The following CORIN variants were observed in gnomAD, a reference collection of about 807,000 sequenced individuals.
CORIN encodes corin, serine peptidase.
In CORIN, 117 loss-of-function variants were observed where a neutral mutation model predicts 125.3. The observed-to-expected ratio is 0.93, with a 90% CI of 0.80 to 1.09. The LOEUF (loss-of-function observed/expected upper bound fraction) is 1.09. Among genes scored for constraint, CORIN ranks in the 50% least tolerant of loss-of-function variants. The pLI is 0.00. For missense variants in CORIN, 1,253 were observed against 1,306.7 expected (o/e 0.96, Z 0.63); for synonymous variants, 450 against 466.4 (o/e 0.96, Z 0.45).
At chr4:47,611,081 C>CT (rs2109526929) in intron 19 of CORIN, among the ~76,000 whole-genome samples, 1 of 152,120 alleles carries the variant, frequency 6.6e-6, no homozygotes, top group African/African-American at 2.4e-5. Context: ...TATATGGGCT[C>CT]TTTTTTGGTT....
intron 2 of CORIN, among the ~76,000 whole-genome samples, chr4:47,804,924 C>G (rs1731709126): frequency 6.6e-6 from 1 of 151,290 alleles, no homozygotes; most frequent in East Asian, 1.9e-4. Context: ...ATCACGCGGT[C>G]AGGAGATCGA....
rs185401946 is a variant in CORIN at position 47,744,403 on chromosome 4, T to C, written c.798A>G (p.Gln266=). 8.9e-5 allele frequency: 144 copies of C among 1,613,460 alleles called. No individual in the cohort carries two copies. In the Admixed American group the frequency reaches 2.0e-3, roughly 22 times the overall value. Residue 266 remains glutamine (Q), a splice_region_variant and synonymous_variant, in exon 5 of 22, where the codon CAA becomes CAG. Transcript: ENST00000273857. ...CFSPQQENGK[Q]LLCGRGENFL... ...ATGAAATGAAACACAGACACCTACA[T>C]TGCTTTCCGTTTTCCTGCTGAGGTG... is the stretch of plus-strand genomic sequence containing the variant.
intron 5 of CORIN, among the ~76,000 whole-genome samples, chr4:47,724,532 C>T (rs924525472): frequency 6.6e-6 from 1 of 151,958 alleles, no homozygotes; most frequent in African/African-American, 2.4e-5. Context: ...GACTCAAGAA[C>T]CTAAATCTTT....
At position 47,786,791 on chromosome 4, in the gene CORIN, C is replaced by G. The variant is rs766858237; in HGVS notation, c.343G>C (p.Asp115His). 3.7e-6 allele frequency: 6 copies of G among 1,613,952 alleles called. No homozygotes were observed. The highest frequency in any genetic ancestry group is 5.1e-6 in the Non-Finnish European group (6 of 1,180,000). The change falls in exon 3 of 22, where the codon GAC becomes CAC. Residue 115 changes from aspartate (D) to histidine (H), a missense_variant. Asp to His is a moderately conservative substitution (Grantham distance 81). Coordinates refer to ENST00000273857, the MANE Select transcript of CORIN (RefSeq NM_006587.4). ...QSTVVSTAHP[D>H]QHVPAWTTDA... ...GTAGTCCAGGCTGGAACGTGTTGGT[C>G]GGGATGTGCAGTAGACACCACAGTG...
intron 3 of CORIN, among the ~76,000 whole-genome samples, chr4:47,771,843 T>C (rs562032469): frequency 6.6e-6 from 1 of 152,342 alleles, no homozygotes; most frequent in South Asian, 2.1e-4. Context: ...ACAGACATAG[T>C]GAAGGCACAG....
At chr4:47,736,864 T>G (rs1234206947) in intron 5 of CORIN, among the ~76,000 whole-genome samples, 1 of 152,110 alleles carries the variant, frequency 6.6e-6, no homozygotes, top group Non-Finnish European at 1.5e-5. Context: ...AGACAAAAAT[T>G]AGAGTTTGGT....
intron 16 of CORIN, 111 bp from the exon 17 acceptor site, chr4:47,626,632 A>T (rs1333362907): frequency 1.3e-6 from 1 of 760,274 alleles, no homozygotes; most frequent in East Asian, 2.5e-5. Flanking sequence ...AATCATGTCA[A>T]CATTTCAAGA....
intron 7 of CORIN, chr4:47,681,309 G>T (rs991586614): frequency 1.3e-5 from 2 of 152,326 alleles, no homozygotes; most frequent in African/African-American, 4.8e-5. Context: ...GCTTGGGCAG[G>T]AACCAGAAGA....
At chr4:47,652,220 C>T (rs956957171) in intron 13 of CORIN, among the ~76,000 whole-genome samples, 4 of 152,136 alleles carry the variant, frequency 2.6e-5, no homozygotes, top group Admixed American at 6.5e-5. Context: ...AACAAAATTA[C>T]CCCAGACATT....
At position 47,822,903 on chromosome 4, in the gene CORIN, C is replaced by T. The variant is rs185590955; in HGVS notation, c.63+14984G>A. Among the ~76,000 whole-genome samples the T allele has an allele frequency of 7.9e-5, 12 of 152,006 alleles. No homozygotes were observed. In the East Asian group the frequency reaches 2.3e-3, roughly 29 times the overall value. Reference sequence around the variant, plus strand: ...CGATATCGGCTCACTGCAACCTCCACCTCCCGGGTTCAAGCGATTCTCCTG... The same window carrying T: ...CGATATCGGCTCACTGCAACCTCCATCTCCCGGGTTCAAGCGATTCTCCTG... On this transcript the variant is annotated intron_variant, in intron 1 of 21. Transcript: ENST00000273857.
At chr4:47,763,607 C>T (rs754730150) in intron 3 of CORIN, 21 bp from the exon 4 acceptor site, 9 of 1,592,194 alleles carry the variant, frequency 5.7e-6, no homozygotes, top group East Asian at 2.2e-5. Context: ...AAGACATGCA[C>T]ATTTAAGAGT....
chr4:47,834,940 T>A (rs543267217), intron 1 of CORIN, among the ~76,000 whole-genome samples: 1 of 152,248 alleles, frequency 6.6e-6, no homozygotes, highest in East Asian at 1.9e-4. Flanking sequence ...CCCAGCAAGA[T>A]TATTTGACTT....
chr4:47,830,941 A>G (rs920473894), intron 1 of CORIN, among the ~76,000 whole-genome samples: 1 of 152,216 alleles, frequency 6.6e-6, no homozygotes, highest in Non-Finnish European at 1.5e-5. Flanking sequence ...AAGTGCTGTC[A>G]ACCTAAAGGT....
In CORIN at chr4:47,693,615, C is replaced by A. The variant is rs561178246; in HGVS notation, c.800-532G>T. On this transcript the variant is annotated intron_variant, in intron 5 of 21. Coordinates refer to ENST00000273857, the MANE Select transcript of CORIN (RefSeq NM_006587.4). ...CCTGTATTTGAAATGTATTTACTTG[C>A]CTTAATGAAAATGCCAGTTAAAATG... is the stretch of plus-strand genomic sequence containing the variant. Among the ~76,000 whole-genome samples the A allele has an allele frequency of 1.5e-4, 23 of 152,222 alleles. 1 individual carries two copies. Among genetic ancestry groups the A allele is most frequent in the South Asian group, 1.0e-3 (5 of 4,822 alleles).
chr4:47,620,823 T>C (rs1722276203), intron 19 of CORIN, among the ~76,000 whole-genome samples: 1 of 152,210 alleles, frequency 6.6e-6, no homozygotes, highest in Non-Finnish European at 1.5e-5. Context: ...ATTTCTTTAA[T>C]TTCACATAAC....
chr4:47,672,349 T>C (rs973480006), intron 10 of CORIN, among the ~76,000 whole-genome samples: 18 of 152,166 alleles, frequency 1.2e-4, no homozygotes, highest in Non-Finnish European at 5.9e-5. Context: ...ATTTCAAATA[T>C]AGAGAAAATA....
intron 3 of CORIN, among the ~76,000 whole-genome samples, chr4:47,772,764 A>AC (rs145144298): frequency 0.057 from 8,710 of 152,248 alleles, 765 homozygotes; most frequent in African/African-American, 0.19. Context: ...AGTATGTGAT[A>AC]AGAAGTTTTT....
chr4:47,705,911 A>G (rs1040713402), intron 5 of CORIN, among the ~76,000 whole-genome samples: 21 of 152,228 alleles, frequency 1.4e-4, no homozygotes, highest in Non-Finnish European at 1.5e-5. Context: ...TTTTAAAACA[A>G]AATCATAGCT....
intron 1 of CORIN, 60 bp downstream of exon 1, chr4:47,837,816 GACCCTGAATTC>G: frequency 7.3e-7 from 1 of 1,363,976 alleles, no homozygotes; most frequent in Non-Finnish European, 1.0e-6. Flanking sequence ...GGGAGGGGCT[GACCCTGAATTC>G]ACCGGGACTA....
Sources: allele counts gnomAD v4.1 joint callset (sites outside exome capture counted in the v4.1 genomes callset), GRCh38; gene constraint gnomAD v4.1.1; transcripts MANE v1.5; gene names NCBI Gene and HGNC (gene_info 2026-07-23, HGNC 2026-07-21).